Variants in HEATR4 observed in about 807,000 individuals in gnomAD.
The protein encoded by HEATR4 is HEAT repeat-containing protein 4.
In HEATR4, 95 loss-of-function variants were observed where a neutral mutation model predicts 108.8. The ratio of observed to expected loss-of-function variants is 0.87; its 90% CI spans 0.74 to 1.04. The LOEUF (loss-of-function observed/expected upper bound fraction) is 1.04, where lower values mean the gene tolerates loss of function less well. Ranked by LOEUF, HEATR4 falls within the 50% of genes least tolerant of loss-of-function variation. The pLI is 0.00. For synonymous variants in HEATR4, 443 were observed against 459.4 expected, an observed-to-expected ratio of 0.96 and a Z score of 0.46; for missense variants, 1,152 against 1,253.8, an observed-to-expected ratio of 0.92 and a Z score of 1.23.
chr14:73,570,769 G>GTGGTC, the HEATR4 span, among the ~76,000 whole-genome samples: 3 of 151,394 alleles, frequency 2.0e-5, no homozygotes, highest in Admixed American at 1.3e-4. Context: ...GCCAGGCGTG[G>GTGGTC]TGGTGCATGC....
chr14:73,619,520 T>G, the HEATR4 span: 1 of 1,614,234 alleles, frequency 6.2e-7, no homozygotes, highest in Admixed American at 1.7e-5. Flanking sequence ...AAGGCGCAGG[T>G]GCCCTTCTTG....
chr14:73,551,169 A>C (rs8021764), intron 1 of HEATR4, among the ~76,000 whole-genome samples: 2,301 of 113,418 alleles, frequency 0.02, 530 homozygotes, highest in African/African-American at 0.063. Flanking sequence ...GTCTCAAAAA[A>C]AAAAAAAAGA....
intron 5 of HEATR4, 119 bp from the exon 6 acceptor site, chr14:73,514,353 CAA>C: frequency 1.2e-6 from 1 of 826,814 alleles, no homozygotes. Flanking sequence ...ACAAAACCCT[CAA>C]GAGTGAATTT....
Position 73,524,310 on chromosome 14 carries a change from A to AAAAAAT in HEATR4, c.-72-1087_-72-1086insATTTTT. On this transcript the variant is annotated intron_variant, in intron 2 of 17. Transcript: ENST00000553558. Reference sequence around the variant, plus strand: ...CTCCGTCTCAAAAAAAAAAAAAAAAAATATATATATATATATATATATATA... The same window carrying AAAAAAT: ...CTCCGTCTCAAAAAAAAAAAAAAAAAAAAAATATATATATATATATATATATATATA... 5.2e-3 allele frequency among the ~76,000 whole-genome samples: 282 copies of AAAAAAT among 54,744 alleles called. 5 individuals are homozygous for AAAAAAT. The highest frequency in any genetic ancestry group is 0.026 in the Middle Eastern group (2 of 76). 35.9% of individuals were successfully genotyped at this position (54,744 alleles called of 152,430 possible).
intron 17 of HEATR4, among the ~76,000 whole-genome samples, chr14:73,487,877 G>A (rs559028034): frequency 6.6e-6 from 1 of 152,286 alleles, no homozygotes; most frequent in African/African-American, 2.4e-5. Context: ...AGAGGAAACA[G>A]CCTGAGAAAA....
chr14:73,488,238 C>T (rs1275223287), intron 17 of HEATR4, among the ~76,000 whole-genome samples: 1 of 152,154 alleles, frequency 6.6e-6, no homozygotes, highest in East Asian at 1.9e-4. Flanking sequence ...TTCCCCCTTG[C>T]TGCTCTCATG....
At chr14:73,490,807 A>G (rs1885656353) in intron 17 of HEATR4, among the ~76,000 whole-genome samples, 1 of 150,082 alleles carries the variant, frequency 6.7e-6, no homozygotes, top group Admixed American at 6.6e-5. Flanking sequence ...TTTGTTTGGC[A>G]AGGGTTCTTG....
chr14:73,586,703 A>G, the HEATR4 span, among the ~76,000 whole-genome samples: 778 of 88,152 alleles, frequency 8.8e-3, 7 homozygotes, highest in Non-Finnish European at 6.8e-3. Context: ...ACTCTGTCTG[A>G]AAAAAAAAAA....
intron 7 of HEATR4, among the ~76,000 whole-genome samples, chr14:73,510,791 C>A (rs891304535): frequency 2.6e-5 from 4 of 152,122 alleles, no homozygotes; most frequent in African/African-American, 9.7e-5. Context: ...GGGGACAGCA[C>A]AGGAGCATGT....
chr14:73,600,473 C>T, the HEATR4 span, among the ~76,000 whole-genome samples: 2 of 151,128 alleles, frequency 1.3e-5, no homozygotes, highest in East Asian at 1.9e-4. Context: ...TTTTCCAAGA[C>T]GGAGTTTTGC....
the HEATR4 span, among the ~76,000 whole-genome samples, chr14:73,628,084 C>T: frequency 6.6e-6 from 1 of 152,192 alleles, no homozygotes; most frequent in African/African-American, 2.4e-5. Flanking sequence ...GCTGGGATTA[C>T]AGGCGTGAGC....
chr14:73,518,077 CTT>C (rs558453712), intron 5 of HEATR4, among the ~76,000 whole-genome samples: 19 of 151,942 alleles, frequency 1.3e-4, no homozygotes, highest in Non-Finnish European at 2.2e-4. Flanking sequence ...CAGAGCGAGA[CTT>C]TATCTCAAAA....
the HEATR4 span, chr14:73,591,907 A>G: frequency 3.7e-6 from 5 of 1,341,040 alleles, no homozygotes. Flanking sequence ...GCTTGCCACG[A>G]TCTTGGACGG....
chr14:73,522,493 G>C lies in HEATR4; in HGVS notation c.660C>G (p.Ser220Arg), dbSNP rs763765432. The change falls in exon 3 of 18, where the codon AGC becomes AGG. Residue 220 changes from serine to arginine, a missense_variant. Ser to Arg is a moderately radical substitution (Grantham distance 110). Transcript: ENST00000553558. ...LNERTARWIQSKRPRRPGASP... is the reference protein window; with the variant it reads ...LNERTARWIQRKRPRRPGASP... ...ATGCCCCAGGCCTTCGAGGACGCTTGCTCTGGATCCATCGGGCTGTGCGCT... is the reference window on the plus strand; with the variant it reads ...ATGCCCCAGGCCTTCGAGGACGCTTCCTCTGGATCCATCGGGCTGTGCGCT... 2 of 1,614,224 alleles carry C rather than the reference G, an allele frequency of 1.2e-6. No homozygotes were observed. The highest frequency in any genetic ancestry group is 1.1e-5 in the South Asian group (1 of 91,088).
At chr14:73,595,003 T>C in the HEATR4 span, 2 of 1,599,446 alleles carry the variant, frequency 1.3e-6, no homozygotes, top group Non-Finnish European at 1.7e-6. Context: ...CCGCACCCAA[T>C]CTGGATAAGT....
At chr14:73,595,171 G>A in the HEATR4 span, 1 of 1,614,226 alleles carries the variant, frequency 6.2e-7, no homozygotes, top group Non-Finnish European at 8.5e-7. Context: ...GGATCAGTGG[G>A]AACACAGCCA....
the HEATR4 span, among the ~76,000 whole-genome samples, chr14:73,575,979 C>G: frequency 6.6e-6 from 1 of 151,640 alleles, no homozygotes; most frequent in African/African-American, 2.4e-5. Flanking sequence ...TGATGAAACC[C>G]CATCTCTCCT....
rs550877531 is a variant in HEATR4, at chr14:73,540,105, A to G, written c.-151-9861T>C. 4.0e-4 allele frequency among the ~76,000 whole-genome samples: 48 copies of G among 121,484 alleles called. 1 individual carries two copies. The highest frequency in any genetic ancestry group is 2.3e-3 in the South Asian group (9 of 3,898). 79.7% of individuals were successfully genotyped at this position (121,484 alleles called of 152,430 possible). A position where few individuals can be genotyped will look rare whatever the true frequency, so the allele number is the denominator to read the frequency against. Reference sequence around the variant, plus strand: ...CCACTTTTAGAAGCTAGCATTATCAATTGCTGACCAGTATGTGGAGGAAAT... The same window carrying G: ...CCACTTTTAGAAGCTAGCATTATCAGTTGCTGACCAGTATGTGGAGGAAAT... On this transcript the variant is annotated intron_variant, in intron 1 of 17. Transcript: ENST00000553558.
intron 2 of HEATR4, among the ~76,000 whole-genome samples, chr14:73,524,293 CAAAA>C (rs1160344592): frequency 4.2e-4 from 24 of 56,644 alleles, no homozygotes; most frequent in East Asian, 1.9e-3. Context: ...AACTCCGTCT[CAAAA>C]AAAAAAAAAA....
Sources: allele counts gnomAD v4.1 joint callset (sites outside exome capture counted in the v4.1 genomes callset), GRCh38; gene constraint gnomAD v4.1.1; transcripts MANE v1.5; gene names NCBI Gene and HGNC (gene_info 2026-07-23, HGNC 2026-07-21).